Variants in GADL1 observed in about 807,000 individuals in gnomAD.
GADL1 encodes the protein acidic amino acid decarboxylase GADL1.
GADL1 carries 71 observed loss-of-function variants against 69.5 expected under a neutral mutation model. The ratio of observed to expected loss-of-function variants is 1.02; its 90% CI spans 0.84 to 1.25. The LOEUF is 1.25. GADL1 is among the 50% of genes most tolerant of loss of function. The pLI, the probability that GADL1 is intolerant of heterozygous loss-of-function variation, is 0.00. For synonymous variants in GADL1, 254 were observed against 214.4 expected (o/e 1.18, Z -1.62); for missense variants, 737 against 631.8 (o/e 1.17, Z -1.79).
chr3:30,767,180 T>C (rs1033659482), intron 14 of GADL1, among the ~76,000 whole-genome samples: 6 of 152,158 alleles, frequency 3.9e-5, no homozygotes, highest in Admixed American at 6.5e-5. Flanking sequence ...AACTTGTTCA[T>C]GGTCATGCAG....
intron 1 of GADL1, among the ~76,000 whole-genome samples, chr3:30,864,437 T>C (rs1001219667): frequency 6.6e-6 from 1 of 151,834 alleles, no homozygotes; most frequent in African/African-American, 2.4e-5. Context: ...GTAACCAGAA[T>C]AGCAGTGAAA....
In GADL1 at chr3:30,873,931, C is replaced by G. The variant is rs1208038117; in HGVS notation, c.38-12166G>C. 2.6e-5 allele frequency among the ~76,000 whole-genome samples: 4 copies of G among 151,876 alleles called. No homozygotes were observed. The East Asian group carries it at 7.8e-4, about 30-fold the overall frequency. On this transcript the variant is annotated intron_variant, in intron 1 of 14. Transcript: ENST00000282538. ...TACAGAAAACTGTACTTACCAAATT[C>G]CTTTAGAGTTACTAAATGTGATTGG...
At chr3:30,743,665 T>G (rs1575180863) in intron 14 of GADL1, among the ~76,000 whole-genome samples, 1 of 152,162 alleles carries the variant, frequency 6.6e-6, no homozygotes, top group Non-Finnish European at 1.5e-5. Flanking sequence ...GAGTGGATGG[T>G]TAGGAGCATG....
rs751957271 is a variant in GADL1, at chr3:30,844,418, CAG to C, written c.698_699del (p.Thr233ArgfsTer13). The C allele has an allele frequency of 6.2e-7, 1 of 1,613,632 alleles. No homozygotes were observed. The highest frequency in any genetic ancestry group is 1.1e-5 in the South Asian group (1 of 91,056). ...TCTGTTTCCACAAAGCAAACATTCT[CAG>C]TGCCAATCCCAAGAAAAGAGGCTGC... ...KKAASFLGIG[T>X]ENVCFVETDG... is the part of the protein sequence containing the mutation. On this transcript the variant is annotated frameshift_variant, in exon 7 of 15. Coordinates refer to ENST00000282538, the MANE Select transcript of GADL1 (RefSeq NM_207359.3). LOFTEE classifies it high-confidence loss of function.
intron 1 of GADL1, among the ~76,000 whole-genome samples, chr3:30,884,295 T>A (rs1298766757): frequency 6.6e-6 from 1 of 152,024 alleles, no homozygotes; most frequent in East Asian, 1.9e-4. Flanking sequence ...CAATCCCATT[T>A]CATGAGAACT....
At chr3:30,762,001 G>A (rs1054022180) in intron 14 of GADL1, among the ~76,000 whole-genome samples, 2 of 152,206 alleles carry the variant, frequency 1.3e-5, no homozygotes, top group Admixed American at 6.5e-5. Flanking sequence ...CAAAAGAGCC[G>A]AGACAGTGAG....
At chr3:30,801,273 A>AT (rs1421783234) in intron 11 of GADL1, among the ~76,000 whole-genome samples, 185 bp from the exon 12 acceptor site, 3 of 152,270 alleles carry the variant, frequency 2.0e-5, no homozygotes, top group South Asian at 2.1e-4. Context: ...CCATGGTGTT[A>AT]CCAAACAAAA....
chr3:30,893,861 T>C (rs1212997991), intron 1 of GADL1, among the ~76,000 whole-genome samples: 2 of 152,190 alleles, frequency 1.3e-5, no homozygotes, highest in East Asian at 3.9e-4. Context: ...TTAAGCTGTG[T>C]TCAGCACAAT....
At chr3:30,783,181 CATTA>C (rs1253191090) in intron 13 of GADL1, among the ~76,000 whole-genome samples, 1 of 152,070 alleles carries the variant, frequency 6.6e-6, no homozygotes, top group African/African-American at 2.4e-5. Flanking sequence ...GTTGATGAAA[CATTA>C]ATAACTCCTC....
intron 14 of GADL1, among the ~76,000 whole-genome samples, chr3:30,730,077 A>T (rs1051937417): frequency 6.6e-6 from 1 of 152,214 alleles, no homozygotes; most frequent in African/African-American, 2.4e-5. Context: ...CTTTCTAGAG[A>T]TTAGAAAAAT....
intron 11 of GADL1, among the ~76,000 whole-genome samples, chr3:30,830,612 T>A (rs144474918): frequency 6.6e-6 from 1 of 152,042 alleles, no homozygotes; most frequent in East Asian, 1.9e-4. Flanking sequence ...AGGGCTAAGT[T>A]CTAGGCCTTA....
rs778491178 is a variant in GADL1 at position 30,851,027 on chromosome 3, A to C, written c.429-86T>G. On this transcript the variant is annotated intron_variant, in intron 4 of 14. Coordinates refer to ENST00000282538, the MANE Select transcript of GADL1 (RefSeq NM_207359.3). ...CCCAAGAAATGCACAGAGTTCTATTAAACCAAGTGGCTGCTGAAGTGTAGG... is the reference window on the plus strand; with the variant it reads ...CCCAAGAAATGCACAGAGTTCTATTCAACCAAGTGGCTGCTGAAGTGTAGG... 6.6e-5 allele frequency: 50 copies of C among 758,174 alleles called. No individual in the cohort carries two copies. The East Asian group carries it at 1.3e-3, about 19-fold the overall frequency. 47.0% of individuals were successfully genotyped at this position (758,174 alleles called of 1,614,324 possible).
chr3:30,864,474 A>G (rs781278912), intron 1 of GADL1, among the ~76,000 whole-genome samples: 2 of 152,004 alleles, frequency 1.3e-5, no homozygotes, highest in African/African-American at 2.4e-5. Context: ...CTTCACACCA[A>G]TGAATTAAAA....
At chr3:30,766,931 CAA>C (rs906447860) in intron 14 of GADL1, among the ~76,000 whole-genome samples, 1 of 151,830 alleles carries the variant, frequency 6.6e-6, no homozygotes, top group South Asian at 2.1e-4. Flanking sequence ...GTTAAGCAAA[CAA>C]AAAGGCATGG....
At chr3:30,878,039 CT>C (rs777149647) in intron 1 of GADL1, among the ~76,000 whole-genome samples, 4 of 151,854 alleles carry the variant, frequency 2.6e-5, no homozygotes, top group Non-Finnish European at 4.4e-5. Flanking sequence ...TTGTTTCTTA[CT>C]TTTAATTACC....
chr3:30,757,200 C>T lies in GADL1; in HGVS notation c.1392+20979G>A, dbSNP rs554009105. ...TGTGATTGAAAAAATAAGAAATGGC[C>T]TCCTGGACCTTCATCAAATATCTAA... On this transcript the variant is annotated intron_variant, in intron 14 of 14. Coordinates refer to ENST00000282538, the MANE Select transcript of GADL1 (RefSeq NM_207359.3). 4.6e-5 allele frequency among the ~76,000 whole-genome samples: 7 copies of T among 152,202 alleles called. 1 individual carries two copies. The South Asian group carries it at 1.5e-3, about 32-fold the overall frequency.
At chr3:30,831,630 G>A (rs912208416) in intron 11 of GADL1, among the ~76,000 whole-genome samples, 1 of 151,978 alleles carries the variant, frequency 6.6e-6, no homozygotes, top group African/African-American at 2.4e-5. Flanking sequence ...TAGGGTAATT[G>A]CCTTATGGTA....
intron 4 of GADL1, among the ~76,000 whole-genome samples, chr3:30,853,496 A>G (rs746207804): frequency 1.3e-5 from 2 of 152,160 alleles, no homozygotes; most frequent in African/African-American, 2.4e-5. Context: ...CCAAGCCCAT[A>G]TATTTCTCAG....
chr3:30,757,133 A>G (rs1030848693), intron 14 of GADL1, among the ~76,000 whole-genome samples: 1 of 152,160 alleles, frequency 6.6e-6, no homozygotes, highest in Non-Finnish European at 1.5e-5. Context: ...ACTGCTCTTA[A>G]TTCAGAGTGC....
Sources: gnomAD v4.1 joint callset for allele counts (sites outside exome capture counted in the v4.1 genomes callset) on GRCh38, gnomAD v4.1.1 for gene constraint, MANE v1.5 for transcripts, NCBI Gene and HGNC (gene_info 2026-07-23, HGNC 2026-07-21) for gene names.